DPP10: variants seen among roughly 807,000 people sequenced by gnomAD.
DPP10 encodes inactive dipeptidyl peptidase 10.
DPP10 carries 33 observed loss-of-function variants against 120.9 expected under a neutral mutation model. That is an observed-to-expected ratio of 0.27 (90% CI 0.21 to 0.37). The LOEUF is 0.37. Ranked by LOEUF, DPP10 falls within the 10% of genes least tolerant of loss-of-function variation. The probability of loss-of-function intolerance (pLI) is 1.00; values close to 1 mark genes in which losing one functional copy is unlikely to be tolerated. For synonymous variants in DPP10, 337 were observed against 326.1 expected (o/e 1.03, Z -0.36); for missense variants, 816 against 942.8 (o/e 0.87, Z 1.76).
At chr2:115,697,645 G>A (rs4600659) in intron 7 of DPP10, among the ~76,000 whole-genome samples, 51,544 of 151,640 alleles carry the variant, frequency 0.34, 10,544 homozygotes, top group East Asian at 0.63. Context: ...TCTCAATAAT[G>A]GCTAGAAAAA....
chr2:115,248,174 G>A (rs2058614541), intron 1 of DPP10, among the ~76,000 whole-genome samples: 1 of 152,136 alleles, frequency 6.6e-6, no homozygotes, highest in Non-Finnish European at 1.5e-5. Flanking sequence ...TTCAGTGTCT[G>A]ATGGATGCTG....
chr2:114,970,504 G>A (rs2104783334), intron 1 of DPP10, among the ~76,000 whole-genome samples: 1 of 151,962 alleles, frequency 6.6e-6, no homozygotes, highest in Admixed American at 6.6e-5. Context: ...GAGAAATAGG[G>A]ACACATCATA....
At chr2:115,417,304 C>A (rs996300289) in intron 3 of DPP10, among the ~76,000 whole-genome samples, 1 of 152,014 alleles carries the variant, frequency 6.6e-6, no homozygotes, top group African/African-American at 2.4e-5. Flanking sequence ...AAAAATATCA[C>A]CTCTTTTAGC....
intron 1 of DPP10, among the ~76,000 whole-genome samples, chr2:115,012,008 C>T (rs1421491793): frequency 6.6e-6 from 1 of 152,070 alleles, no homozygotes; most frequent in Non-Finnish European, 1.5e-5. Context: ...CCTGTGACTG[C>T]TGGCTTTCCC....
At chr2:115,064,541 G>A (rs986790552) in intron 1 of DPP10, 8 of 650,854 alleles carry the variant, frequency 1.2e-5, no homozygotes, top group South Asian at 1.2e-4. Flanking sequence ...GCTGATAGGG[G>A]GTTAATTCTG....
intron 3 of DPP10, among the ~76,000 whole-genome samples, chr2:115,385,568 G>A (rs1267109077): frequency 6.6e-6 from 1 of 151,914 alleles, no homozygotes; most frequent in Non-Finnish European, 1.5e-5. Flanking sequence ...TGTTGGCCAG[G>A]CTGTTCTTGA....
At position 115,279,655 on chromosome 2, in the gene DPP10, C is replaced by CTTTTTTTTTTTTTTTTT. The variant is rs70941039; in HGVS notation, c.61-29573_61-29557dup. Among the ~76,000 whole-genome samples the CTTTTTTTTTTTTTTTTT allele has an allele frequency of 4.4e-4, 19 of 42,712 alleles. 2 individuals are homozygous for CTTTTTTTTTTTTTTTTT. The highest frequency in any genetic ancestry group is 8.7e-4 in the African/African-American group (8 of 9,152). 28.0% of individuals were successfully genotyped at this position (42,712 alleles called of 152,430 possible). On this transcript the variant is annotated intron_variant, in intron 1 of 25. Transcript: ENST00000410059. ...TTTCTTTCTTTCTTTTTTTCTTCTTCTTTTTTTTTTTTTTTTTTTTTTTTT... is the reference window on the plus strand; with the variant it reads ...TTTCTTTCTTTCTTTTTTTCTTCTTCTTTTTTTTTTTTTTTTTTTTTTTTTTTTTTTTTTTTTTTTTT...
intron 1 of DPP10, among the ~76,000 whole-genome samples, chr2:114,776,674 A>T (rs1558730642): frequency 6.6e-6 from 1 of 152,184 alleles, no homozygotes; most frequent in Non-Finnish European, 1.5e-5. Context: ...CACTACATTA[A>T]AAAAAGATCA....
intron 1 of DPP10, among the ~76,000 whole-genome samples, chr2:114,588,525 C>A (rs1691188480): frequency 6.6e-6 from 1 of 152,112 alleles, no homozygotes; most frequent in Non-Finnish European, 1.5e-5. Context: ...ATATTCCCAA[C>A]ACAAATAAAT....
intron 3 of DPP10, among the ~76,000 whole-genome samples, chr2:115,382,492 G>C (rs887261520): frequency 6.6e-5 from 10 of 152,198 alleles, no homozygotes; most frequent in African/African-American, 2.4e-4. Flanking sequence ...TGGTACCTCA[G>C]ATGGAAATGC....
chr2:114,796,550 ATTAATAT>A (rs1683732312), intron 1 of DPP10, among the ~76,000 whole-genome samples: 1 of 152,116 alleles, frequency 6.6e-6, no homozygotes, highest in African/African-American at 2.4e-5. Flanking sequence ...ACAGTATGCT[ATTAATAT>A]TTAAGTTTTT....
intron 1 of DPP10, among the ~76,000 whole-genome samples, chr2:115,257,910 G>A: frequency 6.6e-6 from 1 of 152,100 alleles, no homozygotes; most frequent in East Asian, 1.9e-4. Context: ...CCTAGAAGGG[G>A]TTTTTTTGTT....
chr2:115,233,530 C>G (rs941525734), intron 1 of DPP10, among the ~76,000 whole-genome samples: 3 of 152,058 alleles, frequency 2.0e-5, no homozygotes, highest in African/African-American at 7.3e-5. Context: ...GTTCTTTTCC[C>G]ATCGCCTTCA....
At chr2:114,444,062 C>A (rs1387152172) in intron 1 of DPP10, among the ~76,000 whole-genome samples, 2 of 152,058 alleles carry the variant, frequency 1.3e-5, no homozygotes, top group Admixed American at 6.5e-5. Context: ...ATTAGATTCC[C>A]ATCATACATA....
chr2:114,895,924 A>G (rs1293116642), intron 1 of DPP10, among the ~76,000 whole-genome samples: 3 of 152,202 alleles, frequency 2.0e-5, no homozygotes, highest in East Asian at 3.9e-4. Context: ...GGTGTAAGGA[A>G]GGGATCCAGT....
chr2:114,497,598 C>A (rs1682791483), intron 1 of DPP10, among the ~76,000 whole-genome samples: 1 of 152,022 alleles, frequency 6.6e-6, no homozygotes, highest in Admixed American at 6.6e-5. Context: ...TCAGAGATAG[C>A]ATCTCAGTTA....
At chr2:115,091,946 C>G (rs946938196) in intron 1 of DPP10, among the ~76,000 whole-genome samples, 2 of 152,210 alleles carry the variant, frequency 1.3e-5, no homozygotes, top group Non-Finnish European at 2.9e-5. Context: ...GTCATCTTGA[C>G]TCTGGTAAGC....
At chr2:115,159,766 A>G (rs1384846999) in intron 1 of DPP10, among the ~76,000 whole-genome samples, 3 of 152,178 alleles carry the variant, frequency 2.0e-5, no homozygotes, top group Non-Finnish European at 4.4e-5. Flanking sequence ...CATGAAACAT[A>G]TAATAATGTT....
intron 3 of DPP10, among the ~76,000 whole-genome samples, chr2:115,475,753 G>A (rs6542264): frequency 0.8 from 122,340 of 152,116 alleles, 51,913 homozygotes; most frequent in Non-Finnish European, 0.93. Flanking sequence ...CTCCTTTTGC[G>A]TCAGTGTGAC....
Sources: allele counts gnomAD v4.1 joint callset (sites outside exome capture counted in the v4.1 genomes callset), GRCh38; gene constraint gnomAD v4.1.1; transcripts MANE v1.5; gene names NCBI Gene and HGNC (gene_info 2026-07-23, HGNC 2026-07-21).